The following DOCK2 variants were observed in gnomAD, a reference collection of about 807,000 sequenced individuals.
DOCK2 encodes dedicator of cytokinesis 2, also known as dedicator of cytokinesis protein 2.
Under a neutral mutation model 248.9 loss-of-function variants are expected in DOCK2, and 87 were observed. The observed-to-expected ratio is 0.35, with a 90% CI of 0.29 to 0.42. The LOEUF (loss-of-function observed/expected upper bound fraction) is 0.42. Among genes scored for constraint, DOCK2 ranks in the 10% least tolerant of loss-of-function variants. The pLI, the probability that DOCK2 is intolerant of heterozygous loss-of-function variation, is 1.00. For synonymous variants in DOCK2, 805 were observed against 821.6 expected (o/e 0.98, Z 0.35); for missense variants, 1,747 against 2,300.2 (o/e 0.76, Z 4.92).
At chr5:169,729,158 C>T (rs1397277906) in intron 22 of DOCK2, among the ~76,000 whole-genome samples, 3 of 151,878 alleles carry the variant, frequency 2.0e-5, no homozygotes, top group Admixed American at 6.6e-5. Context: ...TGCAAATCCC[C>T]TGTAACGAAA....
intron 32 of DOCK2, 59 bp downstream of exon 32, chr5:170,008,805 G>T: frequency 1.2e-6 from 2 of 1,604,340 alleles, no homozygotes; most frequent in East Asian, 4.5e-5. Flanking sequence ...CCTTCTTAAA[G>T]ACCATCTGTT....
chr5:169,951,826 C>G (rs765000545), intron 27 of DOCK2, among the ~76,000 whole-genome samples: 4 of 152,100 alleles, frequency 2.6e-5, no homozygotes, highest in African/African-American at 7.2e-5. Context: ...TTATGGATGA[C>G]AAAACTGAGA....
At chr5:170,067,755 G>C in intron 45 of DOCK2, 69 bp downstream of exon 45, 1 of 1,534,148 alleles carries the variant, frequency 6.5e-7, no homozygotes, top group Non-Finnish European at 8.9e-7. Context: ...GACCCAGGGG[G>C]CAGATGCAGG....
At chr5:169,910,410 G>T (rs1774528544) in intron 27 of DOCK2, among the ~76,000 whole-genome samples, 1 of 152,144 alleles carries the variant, frequency 6.6e-6, no homozygotes, top group African/African-American at 2.4e-5. Context: ...TACCCCCTCA[G>T]TGCTGATTTA....
intron 28 of DOCK2, 32 bp from the exon 29 acceptor site, chr5:169,985,796 G>A: frequency 6.4e-7 from 1 of 1,559,540 alleles, no homozygotes; most frequent in Non-Finnish European, 8.7e-7. Context: ...TGTAAAACAG[G>A]ATGACATGTG....
intron 50 of DOCK2, chr5:170,080,506 G>T: frequency 1.6e-6 from 1 of 610,690 alleles, no homozygotes; most frequent in Non-Finnish European, 2.7e-6. Context: ...CAGGGGAGAG[G>T]CCTGCTGTCC....
At chr5:169,731,442 G>C (rs262872) in intron 22 of DOCK2, among the ~76,000 whole-genome samples, 48,715 of 151,966 alleles carry the variant, frequency 0.32, 11,615 homozygotes, top group African/African-American at 0.66. Flanking sequence ...TAAAACGTGA[G>C]TTGCTTCTCC....
chr5:169,876,340 G>T (rs1490238173), intron 27 of DOCK2, among the ~76,000 whole-genome samples: 1 of 152,234 alleles, frequency 6.6e-6, no homozygotes, highest in Non-Finnish European at 1.5e-5. Flanking sequence ...ACAAGCCTGG[G>T]TTTTGATATT....
intron 25 of DOCK2, among the ~76,000 whole-genome samples, chr5:169,780,412 G>T (rs1160764124): frequency 1.3e-5 from 2 of 151,830 alleles, no homozygotes; most frequent in Non-Finnish European, 2.9e-5. Context: ...TGTGTTAAAA[G>T]AATTTGGCAT....
At chr5:169,867,577 A>G (rs144983053) in intron 27 of DOCK2, among the ~76,000 whole-genome samples, 171 of 151,982 alleles carry the variant, frequency 1.1e-3, no homozygotes, top group African/African-American at 3.9e-3. Context: ...TCTATCATCT[A>G]TCTGTCATCT....
intron 6 of DOCK2, among the ~76,000 whole-genome samples, chr5:169,681,218 G>C (rs1759644588): frequency 6.8e-6 from 1 of 147,078 alleles, no homozygotes; most frequent in Admixed American, 7.0e-5. Context: ...CCGCCTCCCA[G>C]GTTCAAGAAA....
chr5:170,056,847 G>A (rs926311354), intron 43 of DOCK2, 79 bp downstream of exon 43: 4 of 1,325,556 alleles, frequency 3.0e-6, no homozygotes, highest in Admixed American at 4.0e-5. Flanking sequence ...GCCTCAGAAT[G>A]GGAAGGAACT....
chr5:169,654,536 C>T (rs369301781), intron 2 of DOCK2, 50 bp downstream of exon 2: 33 of 1,597,948 alleles, frequency 2.1e-5, no homozygotes, highest in Non-Finnish European at 2.5e-5. Flanking sequence ...CTGATGGAAG[C>T]CTATAGTACA....
intron 40 of DOCK2, among the ~76,000 whole-genome samples, chr5:170,049,919 G>A (rs532913104): frequency 1.2e-3 from 188 of 152,322 alleles, no homozygotes; most frequent in African/African-American, 3.9e-3. Context: ...TACAGGCAAC[G>A]GGGAAATGTT....
intron 40 of DOCK2, 126 bp downstream of exon 40, chr5:170,047,740 C>T (rs1756765931): frequency 1.3e-6 from 1 of 778,278 alleles, no homozygotes; most frequent in Non-Finnish European, 2.0e-6. Context: ...GAGTGCTGCC[C>T]CCATCCCCAG....
chr5:169,775,330 A>C (rs1386291273), intron 25 of DOCK2, among the ~76,000 whole-genome samples: 1 of 152,208 alleles, frequency 6.6e-6, no homozygotes, highest in African/African-American at 2.4e-5. Flanking sequence ...GGGATTGGTG[A>C]GGACTGGGGC....
chr5:169,755,177 C>G (rs1764127130), intron 23 of DOCK2, among the ~76,000 whole-genome samples: 1 of 151,874 alleles, frequency 6.6e-6, no homozygotes, highest in Non-Finnish European at 1.5e-5. Flanking sequence ...AAACCCTGGG[C>G]TCAAGTGATC....
At position 169,881,242 on chromosome 5, in the gene DOCK2, A is replaced by G; in HGVS notation, c.2799+40390A>G. The G allele has an allele frequency of 8.0e-6, 6 of 750,108 alleles. No homozygotes were observed. The South Asian group carries it at 1.0e-4, about 13-fold the overall frequency. The allele number at this position is 750,108 out of a possible 1,614,324, so 46.5% of individuals were successfully genotyped here. On this transcript the variant is annotated intron_variant, in intron 27 of 51. Coordinates refer to ENST00000520908, the MANE Select transcript of DOCK2 (RefSeq NM_004946.3). Reference sequence around the variant, plus strand: ...ATCCCTGCCTTGGAACCAGATGTTAACATTTCATAGTTAAATACCTTGTTT... The same window carrying G: ...ATCCCTGCCTTGGAACCAGATGTTAGCATTTCATAGTTAAATACCTTGTTT...
At chr5:169,835,126 T>G (rs1769480169) in intron 26 of DOCK2, among the ~76,000 whole-genome samples, 1 of 152,064 alleles carries the variant, frequency 6.6e-6, no homozygotes. Context: ...GAGAATGGCA[T>G]TTGCATATTC....
Sources: gnomAD v4.1 joint callset for allele counts (sites outside exome capture counted in the v4.1 genomes callset) on GRCh38, gnomAD v4.1.1 for gene constraint, MANE v1.5 for transcripts, NCBI Gene and HGNC (gene_info 2026-07-23, HGNC 2026-07-21) for gene names.